MFSD11: variants seen among roughly 807,000 people sequenced by gnomAD.
MFSD11 encodes the protein major facilitator superfamily domain containing 11, also known as UNC93-like protein MFSD11.
Under a neutral mutation model 53.5 loss-of-function variants are expected in MFSD11, and 36 were observed. The ratio of observed to expected loss-of-function variants is 0.67; its 90% CI spans 0.52 to 0.89. MFSD11 has a LOEUF of 0.89. MFSD11 is among the 40% of genes least tolerant of loss of function. The pLI is 0.00. For synonymous variants in MFSD11, 186 were observed against 184.9 expected (o/e 1.01, Z -0.05); for missense variants, 530 against 543.9 (o/e 0.97, Z 0.25).
At position 76,755,769 on chromosome 17, in the gene MFSD11, CGT is replaced by C. The variant is rs67060734; in HGVS notation, c.682+1699_682+1700del. Among the ~76,000 whole-genome samples, 131 of 29,392 alleles carry C rather than the reference CGT, an allele frequency of 4.5e-3. 2 individuals are homozygous for C. The highest frequency in any genetic ancestry group is 9.3e-3 in the African/African-American group (119 of 12,836). The allele number at this position is 29,392 out of a possible 152,430, so 19.3% of individuals were successfully genotyped here. On this transcript the variant is annotated intron_variant, in intron 8 of 12. Coordinates refer to ENST00000685175, the MANE Select transcript of MFSD11 (RefSeq NM_001242532.5). ...ATATATGTGTATATGTATATATGTA[CGT>C]GTGTGTGTGTGTGTGTATACATATA...
At chr17:76,743,056 G>C (rs2078241880) in intron 5 of MFSD11, among the ~76,000 whole-genome samples, 3 of 152,190 alleles carry the variant, frequency 2.0e-5, no homozygotes, top group Admixed American at 2.0e-4. Flanking sequence ...TGGATTTTTA[G>C]AAACAGATTC....
In MFSD11 at chr17:76,776,006, C is replaced by T. The variant is rs1375749378; in HGVS notation, c.1050-400C>T. Among the ~76,000 whole-genome samples the T allele has an allele frequency of 6.6e-6, 1 of 152,086 alleles. No homozygotes were observed. The highest frequency in any genetic ancestry group is 1.5e-5 in the Non-Finnish European group (1 of 68,024). ...TTATTTATTTATTTTGAGACAGAGTCTCACTCTGTCTGCCAGCCTAGAATG... is the reference window on the plus strand; with the variant it reads ...TTATTTATTTATTTTGAGACAGAGTTTCACTCTGTCTGCCAGCCTAGAATG... On this transcript the variant is annotated intron_variant, in intron 11 of 12. Coordinates refer to ENST00000685175, the MANE Select transcript of MFSD11 (RefSeq NM_001242532.5). This position sits in a 1 kb window ranked among gnomAD's most constrained non-coding sequence, Gnocchi z 4.2.
At chr17:76,736,660 C>T (rs2077505492), upstream of MFSD11, 2 of 1,207,596 alleles carry the variant, frequency 1.7e-6, no homozygotes, top group Admixed American at 4.2e-5. Context: ...CGCGGGGTGG[C>T]CGGAGGGTCG....
chr17:76,796,811 C>CAA, the MFSD11 span, among the ~76,000 whole-genome samples: 80,277 of 114,090 alleles, frequency 0.7, 30,756 homozygotes, highest in Non-Finnish European at 0.85. Flanking sequence ...CTAAAAATAC[C>CAA]AAAAAAAAAA....
At chr17:76,767,698 C>G (rs985296119) in intron 9 of MFSD11, among the ~76,000 whole-genome samples, 35 of 152,154 alleles carry the variant, frequency 2.3e-4, no homozygotes, top group African/African-American at 8.2e-4. Flanking sequence ...TCCACGACCC[C>G]CTCCATAAGA....
At position 76,759,756 on chromosome 17, in the gene MFSD11, C is replaced by CTTTTTT. The variant is rs1159131964; in HGVS notation, c.682+5694_682+5699dup. On this transcript the variant is annotated intron_variant, in intron 8 of 12. Transcript: ENST00000685175. Reference sequence around the variant, plus strand: ...ACAGGTGTGAGCCACCGTGACCGGCCTTTTTTTTTTTTTTTTTTTTTTTTT... The same window carrying CTTTTTT: ...ACAGGTGTGAGCCACCGTGACCGGCCTTTTTTTTTTTTTTTTTTTTTTTTTTTTTTT... Among the ~76,000 whole-genome samples the CTTTTTT allele has an allele frequency of 8.8e-3, 237 of 27,016 alleles. 3 individuals carry two copies. The highest frequency in any genetic ancestry group is 0.012 in the Non-Finnish European group (180 of 15,422). 17.7% of individuals were successfully genotyped at this position (27,016 alleles called of 152,430 possible). A position where few individuals can be genotyped will look rare whatever the true frequency, so the allele number is the denominator to read the frequency against.
rs1437101593 is a variant in MFSD11 at position 76,778,463 on chromosome 17, G to GA, written c.*115dup. The GA allele has an allele frequency of 4.7e-6, 5 of 1,071,382 alleles. No individual in the cohort carries two copies. The East Asian group carries it at 9.5e-5, about 20-fold the overall frequency. The allele number at this position is 1,071,382 out of a possible 1,614,324, so 66.4% of individuals were successfully genotyped here. A position where few individuals can be genotyped will look rare whatever the true frequency, so the allele number is the denominator to read the frequency against. On this transcript the variant is annotated 3_prime_UTR_variant, in exon 13 of 13. Coordinates refer to ENST00000685175, the MANE Select transcript of MFSD11 (RefSeq NM_001242532.5). ...TATATATTGGGTGATGTTCAGTATGGAAAATCAAGGGATTAAGACTGTTAA... is the reference window on the plus strand; with the variant it reads ...TATATATTGGGTGATGTTCAGTATGGAAAAATCAAGGGATTAAGACTGTTAA...
intron 2 of MFSD11, among the ~76,000 whole-genome samples, chr17:76,740,676 A>G (rs2077985033): frequency 6.6e-6 from 1 of 152,230 alleles, no homozygotes. Flanking sequence ...AAATCTGTAT[A>G]AGGTACTTGG....
intron 7 of MFSD11, among the ~76,000 whole-genome samples, chr17:76,753,284 A>G (rs2079227970): frequency 6.6e-6 from 1 of 152,222 alleles, no homozygotes; most frequent in Non-Finnish European, 1.5e-5. Flanking sequence ...GCAGAAAATA[A>G]CAAAAGTCTC....
chr17:76,783,167 A>AG (rs766738553), downstream of MFSD11, among the ~76,000 whole-genome samples: 314 of 151,872 alleles, frequency 2.1e-3, 1 homozygote, highest in Non-Finnish European at 2.8e-3. Flanking sequence ...AAAAAAAAAA[A>AG]GAAATGTGAC....
intron 9 of MFSD11, among the ~76,000 whole-genome samples, chr17:76,768,549 A>T (rs2081082895): frequency 6.6e-6 from 1 of 152,134 alleles, no homozygotes; most frequent in South Asian, 2.1e-4. Context: ...AGCATTAGGG[A>T]ATCAAGGTCC....
At chr17:76,767,967 A>G (rs2081012717) in intron 9 of MFSD11, among the ~76,000 whole-genome samples, 1 of 152,320 alleles carries the variant, frequency 6.6e-6, no homozygotes, top group Non-Finnish European at 1.5e-5. Flanking sequence ...GCAGAGCGCT[A>G]CAGAAAATAA....
the MFSD11 span, among the ~76,000 whole-genome samples, chr17:76,801,866 T>C: frequency 2.0e-5 from 3 of 152,150 alleles, no homozygotes; most frequent in Non-Finnish European, 2.9e-5. Context: ...GCTGACCTCC[T>C]GTCTCATCCT....
intron 7 of MFSD11, among the ~76,000 whole-genome samples, chr17:76,750,622 C>T (rs566518569): frequency 2.8e-4 from 42 of 152,122 alleles, no homozygotes; most frequent in African/African-American, 9.6e-4. Flanking sequence ...TCCCAAAGTG[C>T]TGGGATTACA....
intron 8 of MFSD11, among the ~76,000 whole-genome samples, chr17:76,754,483 G>C (rs1010975236): frequency 6.6e-6 from 1 of 152,118 alleles, no homozygotes; most frequent in African/African-American, 2.4e-5. Flanking sequence ...GGGAGTTCAA[G>C]ACCAGCCTGG....
chr17:76,744,549 T>A, intron 7 of MFSD11, 83 bp downstream of exon 7: 4 of 1,244,116 alleles, frequency 3.2e-6, no homozygotes, highest in Non-Finnish European at 4.4e-6. Flanking sequence ...CGTTTAGCCC[T>A]AACTGATGTC....
Position 76,776,514 on chromosome 17 carries a change from A to G in MFSD11, c.1158A>G (p.Pro386=), listed in dbSNP as rs759720719. ...LGFLYSEDSA[P]AFAIFKFVQS... Reference sequence around the variant, plus strand: ...TTCTGTATTCTGAAGACAGCGCCCCAGCATTTGCCATCTTCAAGTTTGTTC... The same window carrying G: ...TTCTGTATTCTGAAGACAGCGCCCCGGCATTTGCCATCTTCAAGTTTGTTC... The change falls in exon 12 of 13, where the codon CCA becomes CCG. Residue 386 remains proline, a synonymous_variant. Coordinates refer to ENST00000685175, the MANE Select transcript of MFSD11 (RefSeq NM_001242532.5). This position sits in a 1 kb window ranked among gnomAD's most constrained non-coding sequence, Gnocchi z 4.2. 5 of 1,613,920 alleles carry G rather than the reference A, an allele frequency of 3.1e-6. No homozygotes were observed. The highest frequency in any genetic ancestry group is 1.1e-5 in the South Asian group (1 of 91,074).
chr17:76,786,920 A>G, the MFSD11 span, among the ~76,000 whole-genome samples: 1 of 151,808 alleles, frequency 6.6e-6, no homozygotes, highest in East Asian at 1.9e-4. Flanking sequence ...GGTTCAAGCA[A>G]TTCTCCCACC....
chr17:76,775,862 A>C (rs1408348922), intron 11 of MFSD11, among the ~76,000 whole-genome samples: 1 of 152,236 alleles, frequency 6.6e-6, no homozygotes, highest in Non-Finnish European at 1.5e-5. Flanking sequence ...AGGGATACTC[A>C]ACCTGCATTT....
Sources: gnomAD v4.1 joint callset for allele counts (sites outside exome capture counted in the v4.1 genomes callset) on GRCh38, gnomAD v4.1.1 for gene constraint, Gnocchi (gnomAD v3.1) non-coding constraint, MANE v1.5 for transcripts, NCBI Gene and HGNC (gene_info 2026-07-23, HGNC 2026-07-21) for gene names.